The following PCNX1 variants were observed in gnomAD, a reference collection of about 807,000 sequenced individuals.
The protein encoded by PCNX1 is pecanex-like protein 1.
In PCNX1, 78 loss-of-function variants were observed where a neutral mutation model predicts 242.2. The ratio of observed to expected loss-of-function variants is 0.32; its 90% CI spans 0.27 to 0.39. PCNX1 has a LOEUF of 0.39. Among genes scored for constraint, PCNX1 ranks in the 10% least tolerant of loss-of-function variants. PCNX1 has a pLI of 1.00. For missense variants in PCNX1, 2,581 were observed against 2,856.5 expected, an observed-to-expected ratio of 0.90 and a Z score of 2.20; for synonymous variants, 1,024 against 1,032.9, an observed-to-expected ratio of 0.99 and a Z score of 0.17.
chr14:71,102,071 A>G lies in PCNX1; in HGVS notation c.5671A>G (p.Ile1891Val), dbSNP rs1240681651. 6.2e-7 allele frequency: 1 copy of G among 1,613,808 alleles called. No homozygotes were observed. The highest frequency in any genetic ancestry group is 1.7e-5 in the Admixed American group (1 of 60,004). The stretch of plus-strand genomic sequence containing the variant: ...AGTATCTCATGAGAAGAACCTCGTA[A>G]TAGCCCATGAAGGGGACCCTGCATG... ...AIVSHEKNLV[I>V]AHEGDPAWRS... The change falls in exon 31 of 36, where the codon ATA (isoleucine) becomes GTA (valine). Residue 1891 changes from isoleucine (I) to valine (V), a missense_variant. By Grantham distance (29) the Ile-to-Val change is conservative. Coordinates refer to ENST00000304743, the MANE Select transcript of PCNX1 (RefSeq NM_014982.3).
chr14:71,070,535 CTAATGTCTTGTACA>C (rs1378735405), intron 26 of PCNX1, among the ~76,000 whole-genome samples: 1 of 152,204 alleles, frequency 6.6e-6, no homozygotes, highest in African/African-American at 2.4e-5. Context: ...GCAGGCAACA[CTAATGTCTTGTACA>C]TTTCCATCAG....
chr14:71,039,225 A>G (rs960511437), intron 19 of PCNX1, among the ~76,000 whole-genome samples: 6 of 148,182 alleles, frequency 4.0e-5, no homozygotes, highest in African/African-American at 1.3e-4. Flanking sequence ...AGTATAATTA[A>G]AAAAAAAAAT....
chr14:71,105,359 A>T lies in PCNX1; in HGVS notation c.6220A>T (p.Thr2074Ser). 6.2e-7 allele frequency: 1 copy of T among 1,613,992 alleles called. No individual in the cohort carries two copies. Among genetic ancestry groups the T allele is most frequent in the East Asian group, 2.2e-5 (1 of 44,892 alleles). The stretch of plus-strand genomic sequence containing the variant: ...TGCCAACAATCCCCACAGCAACGTG[A>T]CCCAGGGAAGCATTGGAAATCCTGG... ...TTANNPHSNV[T>S]QGSIGNPGQG... Residue 2074 changes from threonine to serine, a missense_variant, in exon 33 of 36, where the codon ACC becomes TCC. Physicochemically the swap from Thr to Ser is moderately conservative, Grantham distance 58. This residue lies in a region of PCNX1 where 432 missense variants were observed against 433.6 expected (regional missense o/e 1.00). Coordinates refer to ENST00000304743, the MANE Select transcript of PCNX1 (RefSeq NM_014982.3).
At chr14:70,922,272 A>G (rs2056407788) in intron 1 of PCNX1, among the ~76,000 whole-genome samples, 1 of 152,160 alleles carries the variant, frequency 6.6e-6, no homozygotes, top group African/African-American at 2.4e-5. Context: ...ATTATTCCAG[A>G]CAGTAGTTAA....
chr14:71,052,876 G>T (rs528474460), intron 24 of PCNX1, among the ~76,000 whole-genome samples: 4 of 152,214 alleles, frequency 2.6e-5, no homozygotes, highest in South Asian at 4.2e-4. Context: ...TTCAGAAAGC[G>T]TTCCTAAAAG....
At chr14:71,066,404 ACTCT>A (rs1566767386) in intron 26 of PCNX1, among the ~76,000 whole-genome samples, 2 of 151,470 alleles carry the variant, frequency 1.3e-5, no homozygotes, top group Admixed American at 6.6e-5. Flanking sequence ...TTATGATTTG[ACTCT>A]CTGTTTGTTA....
chr14:71,039,440 C>G (rs142787145), intron 19 of PCNX1, among the ~76,000 whole-genome samples: 1 of 152,226 alleles, frequency 6.6e-6, no homozygotes, highest in East Asian at 1.9e-4. Context: ...CATAGGCTGC[C>G]TAACTGTACT....
Position 70,977,264 on chromosome 14 carries a change from A to C in PCNX1, c.927A>C (p.Gly309=). 1 of 1,614,206 alleles carries C rather than the reference A, an allele frequency of 6.2e-7. No individual in the cohort carries two copies. Among genetic ancestry groups the C allele is most frequent in the East Asian group, 2.2e-5 (1 of 44,888 alleles). ...NDFPLYQQRR[G]LDPVSELESS... ...TTCCCCTTTATCAGCAAAGACGTGGATTAGATCCAGTTAGTGAGTTAGAAT... is the reference window on the plus strand; with the variant it reads ...TTCCCCTTTATCAGCAAAGACGTGGCTTAGATCCAGTTAGTGAGTTAGAAT... Residue 309 remains glycine, a synonymous_variant, in exon 6 of 36, where the codon GGA becomes GGC. Coordinates refer to ENST00000304743, the MANE Select transcript of PCNX1 (RefSeq NM_014982.3).
chr14:70,992,522 T>G (rs2059197253), intron 7 of PCNX1, among the ~76,000 whole-genome samples: 1 of 150,908 alleles, frequency 6.6e-6, no homozygotes, highest in Non-Finnish European at 1.5e-5. Context: ...GACTTTACAT[T>G]TTAGTTGGAG....
At chr14:71,036,301 G>A in intron 19 of PCNX1, 144 bp downstream of exon 19, 1 of 582,316 alleles carries the variant, frequency 1.7e-6, no homozygotes, top group South Asian at 2.5e-5. Flanking sequence ...ACGTAGCTAG[G>A]ACTACAGTTG....
chr14:71,113,294 T>C lies in PCNX1; in HGVS notation c.*3359T>C, dbSNP rs1180713778. ...AATATTTCAAGTATATCTGAACTAC[T>C]TATAATTCTTAAAACAGAAGTAGTC... On this transcript the variant is annotated 3_prime_UTR_variant, in exon 36 of 36. Coordinates refer to ENST00000304743, the MANE Select transcript of PCNX1 (RefSeq NM_014982.3). The C allele has an allele frequency of 6.6e-6, 1 of 152,436 alleles. No individual in the cohort carries two copies. The highest frequency in any genetic ancestry group is 1.5e-5 in the Non-Finnish European group (1 of 68,026). The allele number at this position is 152,436 out of a possible 1,614,324, so 9.4% of individuals were successfully genotyped here.
chr14:71,109,464 A>G lies in PCNX1; in HGVS notation c.6757A>G (p.Ser2253Gly), dbSNP rs1796171064. Residue 2253 changes from serine (S) to glycine (G), a missense_variant, in exon 35 of 36, where the codon AGT (serine) becomes GGT (glycine). Coordinates refer to ENST00000304743, the MANE Select transcript of PCNX1 (RefSeq NM_014982.3). ...VIYRVQIVDPSQILEGINLSK... is the reference protein window; with the variant it reads ...VIYRVQIVDPGQILEGINLSK... Reference sequence around the variant, plus strand: ...ATTTACCATGTAGATTGTGGATCCCAGTCAAATTCTGGAAGGGATCAACCT... The same window carrying G: ...ATTTACCATGTAGATTGTGGATCCCGGTCAAATTCTGGAAGGGATCAACCT... 6.2e-7 allele frequency: 1 copy of G among 1,612,052 alleles called. No homozygotes were observed. Among genetic ancestry groups the G allele is most frequent in the Non-Finnish European group, 8.5e-7 (1 of 1,178,858 alleles).
intron 16 of PCNX1, among the ~76,000 whole-genome samples, chr14:71,032,830 C>T (rs984566354): frequency 2.6e-5 from 4 of 152,204 alleles, no homozygotes; most frequent in African/African-American, 9.6e-5. Context: ...TACGGAGTGA[C>T]CACGTGTGGT....
Position 70,962,291 on chromosome 14 carries a change from G to A in PCNX1, c.428G>A (p.Ser143Asn). Residue 143 changes from serine to asparagine, a missense_variant, in exon 3 of 36, where the codon AGT becomes AAT. Physicochemically the swap from Ser to Asn is conservative, Grantham distance 46. This residue lies in a region of PCNX1 where 1,204 missense variants were observed against 1,216.7 expected (regional missense o/e 0.99). Transcript: ENST00000304743. Reference protein sequence around the residue: ...IREATPPVGCSSRNSYAGLDP... With the variant: ...IREATPPVGCNSRNSYAGLDP... The stretch of plus-strand genomic sequence containing the variant: ...GAGGCCACACCCCCAGTTGGTTGCA[G>A]TTCCAGAAATTCTTATGCCGGTCTA... 1.2e-6 allele frequency: 2 copies of A among 1,613,476 alleles called. No individual in the cohort carries two copies. Among genetic ancestry groups the A allele is most frequent in the East Asian group, 4.5e-5 (2 of 44,878 alleles).
chr14:70,988,816 T>C, intron 7 of PCNX1, 117 bp downstream of exon 7: 1 of 1,288,850 alleles, frequency 7.8e-7, no homozygotes, highest in Non-Finnish European at 1.1e-6. Context: ...TTCTGTTTCT[T>C]TCCTATACAT....
intron 6 of PCNX1, among the ~76,000 whole-genome samples, chr14:70,980,915 T>C (rs140105903): frequency 6.6e-6 from 1 of 152,262 alleles, no homozygotes; most frequent in Non-Finnish European, 1.5e-5. Flanking sequence ...GTCGATAAGT[T>C]CTCCAACGAT....
intron 6 of PCNX1, among the ~76,000 whole-genome samples, chr14:70,979,769 A>AT (rs991940449): frequency 3.3e-5 from 5 of 152,114 alleles, no homozygotes; most frequent in Admixed American, 2.0e-4. Flanking sequence ...ATTTTCTTAG[A>AT]TTTTTTTGGG....
intron 27 of PCNX1, 74 bp from the exon 28 acceptor site, chr14:71,076,115 T>A: frequency 1.1e-6 from 1 of 892,974 alleles, no homozygotes; most frequent in Non-Finnish European, 1.8e-6. Context: ...TGGAATTTAT[T>A]TCATTGAGTA....
At chr14:71,024,437 A>G (rs1328774673) in intron 13 of PCNX1, among the ~76,000 whole-genome samples, 3 of 152,068 alleles carry the variant, frequency 2.0e-5, no homozygotes, top group African/African-American at 7.2e-5. Context: ...GAAATTTTTG[A>G]TAGATATAGG....
Sources: allele counts gnomAD v4.1 joint callset (sites outside exome capture counted in the v4.1 genomes callset), GRCh38; gene constraint gnomAD v4.1.1; regional missense constraint gnomAD v4.1.1; transcripts MANE v1.5; gene names NCBI Gene and HGNC (gene_info 2026-07-23, HGNC 2026-07-21).